Variants in CALN1 observed in about 807,000 individuals in gnomAD.
The protein encoded by CALN1 is calneuron 1, also known as calcium-binding protein 8.
In CALN1, 17 loss-of-function variants were observed where a neutral mutation model predicts 30.6. The observed-to-expected ratio is 0.56, with a 90% CI of 0.38 to 0.83. The LOEUF (loss-of-function observed/expected upper bound fraction) is 0.83. CALN1 is among the 40% of genes least tolerant of loss of function. The pLI, the probability that CALN1 is intolerant of heterozygous loss-of-function variation, is 0.00. For synonymous variants in CALN1, 156 were observed against 131.4 expected (o/e 1.19, Z -1.28); for missense variants, 291 against 354.9 (o/e 0.82, Z 1.45).
At chr7:71,924,162 C>G (rs1233462035) in intron 5 of CALN1, among the ~76,000 whole-genome samples, 1 of 143,718 alleles carries the variant, frequency 7.0e-6, no homozygotes, top group East Asian at 2.0e-4. Flanking sequence ...CATTTCACTC[C>G]AGCCTAGGCG....
intron 2 of CALN1, among the ~76,000 whole-genome samples, chr7:72,335,710 C>T (rs1453660786): frequency 3.9e-5 from 6 of 152,242 alleles, no homozygotes; most frequent in Admixed American, 3.9e-4. Flanking sequence ...AGAAAGGCGC[C>T]TTCCTCACAC....
intron 2 of CALN1, among the ~76,000 whole-genome samples, chr7:72,383,229 T>C (rs1399435805): frequency 1.3e-5 from 2 of 152,356 alleles, no homozygotes; most frequent in South Asian, 2.1e-4. Flanking sequence ...AACGTAACGG[T>C]ACATGTGTCT....
chr7:72,235,103 T>C (rs1393091793), intron 3 of CALN1, among the ~76,000 whole-genome samples: 1 of 151,866 alleles, frequency 6.6e-6, no homozygotes, highest in Non-Finnish European at 1.5e-5. Flanking sequence ...CGAGACTCTG[T>C]CTCTGCCAAA....
At chr7:72,100,228 A>C (rs1806555127) in intron 4 of CALN1, among the ~76,000 whole-genome samples, 1 of 151,742 alleles carries the variant, frequency 6.6e-6, no homozygotes. Context: ...GTACAATCAT[A>C]GCTTACTGCA....
intron 5 of CALN1, among the ~76,000 whole-genome samples, chr7:71,960,677 T>C (rs1797205336): frequency 6.6e-6 from 1 of 152,222 alleles, no homozygotes; most frequent in Non-Finnish European, 1.5e-5. Context: ...ATTTCTTTCC[T>C]GGTAGTGGGA....
At chr7:72,140,893 C>A (rs747611326) in intron 3 of CALN1, among the ~76,000 whole-genome samples, 5 of 152,226 alleles carry the variant, frequency 3.3e-5, no homozygotes, top group Non-Finnish European at 7.3e-5. Context: ...GGCGCTGGGG[C>A]CTTGCTCTGC....
Position 72,331,241 on chromosome 7 carries a change from T to C in CALN1, c.120-52431A>G, listed in dbSNP as rs111445597. ...GGCGGGAGCCCATAATCCCAGCTAC[T>C]CAAGAGGCGGGGGCAGAAGAATCGC... On this transcript the variant is annotated intron_variant, in intron 2 of 6. Coordinates refer to ENST00000395275, the MANE Select transcript of CALN1 (RefSeq NM_031468.4). Among the ~76,000 whole-genome samples, 843 of 151,802 alleles carry C rather than the reference T, an allele frequency of 5.6e-3. 6 individuals carry two copies. The highest frequency in any genetic ancestry group is 0.019 in the African/African-American group (797 of 41,354).
At chr7:72,090,468 G>A (rs942110951) in intron 4 of CALN1, among the ~76,000 whole-genome samples, 2 of 152,094 alleles carry the variant, frequency 1.3e-5, no homozygotes, top group African/African-American at 4.8e-5. Context: ...AAATTTGAGA[G>A]ATATTACTGA....
At chr7:72,121,231 ATAAT>A (rs926016876) in intron 3 of CALN1, among the ~76,000 whole-genome samples, 46 of 142,648 alleles carry the variant, frequency 3.2e-4, no homozygotes, top group Admixed American at 1.0e-3. Flanking sequence ...ATATAACTAT[ATAAT>A]TAATATATTA....
intron 4 of CALN1, among the ~76,000 whole-genome samples, chr7:72,070,350 T>C (rs547679092): frequency 1.1e-4 from 16 of 152,294 alleles, no homozygotes; most frequent in Middle Eastern, 3.4e-3. Flanking sequence ...GCAGAATATA[T>C]GAGGTATGTC....
chr7:72,440,337 T>C (rs115910960), intron 1 of CALN1, among the ~76,000 whole-genome samples: 1,617 of 152,302 alleles, frequency 0.011, 15 homozygotes, highest in African/African-American at 0.037. Flanking sequence ...CCCCATTTTC[T>C]GTTTTCTGAC....
chr7:72,233,835 T>A (rs1396499005), intron 3 of CALN1, among the ~76,000 whole-genome samples: 1 of 151,556 alleles, frequency 6.6e-6, no homozygotes, highest in Non-Finnish European at 1.5e-5. Context: ...AAAACCACAT[T>A]TCTACTAAAA....
chr7:72,470,962 TG>T, the CALN1 span, among the ~76,000 whole-genome samples: 3 of 152,136 alleles, frequency 2.0e-5, no homozygotes, highest in African/African-American at 7.2e-5. Context: ...TTTGTTTGTT[TG>T]TTTTATTTTT....
chr7:72,474,498 C>A, the CALN1 span, among the ~76,000 whole-genome samples: 1 of 151,948 alleles, frequency 6.6e-6, no homozygotes, highest in Non-Finnish European at 1.5e-5. Flanking sequence ...CCAGCCTGGG[C>A]AACATAGTCA....
chr7:72,501,206 T>C, the CALN1 span, among the ~76,000 whole-genome samples: 2 of 151,290 alleles, frequency 1.3e-5, no homozygotes, highest in African/African-American at 4.9e-5. Flanking sequence ...GTTTCAAGGA[T>C]GAGTGGCTTC....
At chr7:72,419,303 G>A (rs1400098491) in intron 1 of CALN1, among the ~76,000 whole-genome samples, 1 of 152,122 alleles carries the variant, frequency 6.6e-6, no homozygotes, top group African/African-American at 2.4e-5. Context: ...ATTCCCAAAA[G>A]GAACCTCATA....
chr7:71,806,273 C>A (rs55797379), intron 6 of CALN1, among the ~76,000 whole-genome samples: 2 of 149,894 alleles, frequency 1.3e-5, no homozygotes, highest in Non-Finnish European at 3.0e-5. Context: ...CACACACAAA[C>A]ACACACACAC....
chr7:71,919,818 G>GGACCAC (rs1794847325), intron 5 of CALN1, among the ~76,000 whole-genome samples: 1 of 152,174 alleles, frequency 6.6e-6, no homozygotes, highest in African/African-American at 2.4e-5. Context: ...GTTACCAGTG[G>GGACCAC]TCCGCGAGGA....
At chr7:72,443,391 C>G (rs1040466065) in intron 1 of CALN1, among the ~76,000 whole-genome samples, 2 of 152,152 alleles carry the variant, frequency 1.3e-5, no homozygotes, top group African/African-American at 4.8e-5. Context: ...ATGACTCCAT[C>G]TCCTTCAAAA....
Sources: gnomAD v4.1 joint callset for allele counts (sites outside exome capture counted in the v4.1 genomes callset) on GRCh38, gnomAD v4.1.1 for gene constraint, MANE v1.5 for transcripts, NCBI Gene and HGNC (gene_info 2026-07-23, HGNC 2026-07-21) for gene names.